The following ARHGAP5 variants were observed in gnomAD, a reference collection of about 807,000 sequenced individuals.
ARHGAP5 encodes rho GTPase-activating protein 5.
Under a neutral mutation model 116.6 loss-of-function variants are expected in ARHGAP5, and 23 were observed. That is an observed-to-expected ratio of 0.20 (90% confidence interval 0.14 to 0.28). ARHGAP5 has a LOEUF of 0.28. Among genes scored for constraint, ARHGAP5 ranks in the 10% least tolerant of loss-of-function variants. The pLI is 1.00. For synonymous variants in ARHGAP5, 574 were observed against 602.0 expected (o/e 0.95, Z 0.68); for missense variants, 1,405 against 1,774.8 (o/e 0.79, Z 3.74).
intron 5 of ARHGAP5, among the ~76,000 whole-genome samples, chr14:32,151,636 C>T (rs937593801): frequency 6.6e-5 from 10 of 152,166 alleles, no homozygotes; most frequent in African/African-American, 9.7e-5. Context: ...TAGCCACTCC[C>T]GTTTGTTACA....
chr14:32,087,226 T>C (rs1378352597), intron 1 of ARHGAP5, among the ~76,000 whole-genome samples: 1 of 151,764 alleles, frequency 6.6e-6, no homozygotes, highest in African/African-American at 2.4e-5. Context: ...AAAAAAAAAA[T>C]TGCTTGGCTA....
chr14:32,089,573 CT>C (rs2041864259), intron 1 of ARHGAP5, among the ~76,000 whole-genome samples: 1 of 151,936 alleles, frequency 6.6e-6, no homozygotes, highest in South Asian at 2.1e-4. Context: ...TAAAAGTTAT[CT>C]TGTGTTGCTA....
rs560515936 is a variant in ARHGAP5 at position 32,136,905 on chromosome 14, T to G, written c.3866-9358T>G. 3.0e-4 allele frequency among the ~76,000 whole-genome samples: 45 copies of G among 152,290 alleles called. No homozygotes were observed. In the East Asian group the frequency reaches 7.7e-3, roughly 26 times the overall value. On this transcript the variant is annotated intron_variant, in intron 3 of 6. Transcript: ENST00000345122. ...GTGTACCTTCTTTGGAGAAATTTTT[T>G]TTTTTAAGTCTTTGGCCTTTTTAAA...
chr14:32,150,550 G>C (rs1244126926), intron 5 of ARHGAP5, among the ~76,000 whole-genome samples: 1 of 152,192 alleles, frequency 6.6e-6, no homozygotes, highest in African/African-American at 2.4e-5. Context: ...GGAAGGGCAA[G>C]AGAGCACACT....
intron 3 of ARHGAP5, 52 bp from the exon 4 acceptor site, chr14:32,146,211 G>A (rs370467477): frequency 2.8e-5 from 37 of 1,341,066 alleles, no homozygotes; most frequent in Admixed American, 2.3e-4. Context: ...GTGCCCAGCC[G>A]TGTGGATATA....
At chr14:32,083,648 T>C (rs1288956927) in intron 1 of ARHGAP5, among the ~76,000 whole-genome samples, 1 of 152,214 alleles carries the variant, frequency 6.6e-6, no homozygotes, top group East Asian at 1.9e-4. Flanking sequence ...CCTTAATCCA[T>C]ACTTCCTTTA....
At chr14:32,082,330 A>G (rs187397623) in intron 1 of ARHGAP5, among the ~76,000 whole-genome samples, 1 of 152,304 alleles carries the variant, frequency 6.6e-6, no homozygotes, top group Admixed American at 6.5e-5. Flanking sequence ...TGATGCTGAA[A>G]TTTATGTTAA....
chr14:32,121,103 C>T (rs1411107744), intron 3 of ARHGAP5, among the ~76,000 whole-genome samples: 2 of 149,690 alleles, frequency 1.3e-5, no homozygotes, highest in African/African-American at 2.5e-5. Context: ...TTGCAACCTC[C>T]ACCTCCCCGG....
intron 2 of ARHGAP5, among the ~76,000 whole-genome samples, chr14:32,116,340 C>G (rs535212020): frequency 3.3e-5 from 5 of 151,620 alleles, no homozygotes; most frequent in Admixed American, 6.6e-5. Context: ...CCTGTAATCC[C>G]AGCACTTTGG....
At chr14:32,129,360 G>C (rs1880357968) in intron 3 of ARHGAP5, among the ~76,000 whole-genome samples, 1 of 151,922 alleles carries the variant, frequency 6.6e-6, no homozygotes, top group African/African-American at 2.4e-5. Context: ...ATTTTTATTT[G>C]CATGTGGTTG....
At chr14:32,132,489 T>C (rs1880555564) in intron 3 of ARHGAP5, among the ~76,000 whole-genome samples, 1 of 152,228 alleles carries the variant, frequency 6.6e-6, no homozygotes, top group South Asian at 2.1e-4. Flanking sequence ...ATATTAGCCC[T>C]TTGTCAGATG....
intron 3 of ARHGAP5, among the ~76,000 whole-genome samples, chr14:32,134,395 T>A (rs1371372421): frequency 2.0e-5 from 3 of 152,236 alleles, no homozygotes; most frequent in African/African-American, 7.2e-5. Flanking sequence ...CTGCTTTTTG[T>A]CTTATTCCTG....
At position 32,094,276 on chromosome 14, in the gene ARHGAP5, C is replaced by T. The variant is rs1878413889; in HGVS notation, c.3607C>T (p.Pro1203Ser). 9.9e-6 allele frequency: 16 copies of T among 1,613,856 alleles called. No individual in the cohort carries two copies. The highest frequency in any genetic ancestry group is 1.4e-5 in the Non-Finnish European group (16 of 1,179,912). Reference sequence around the variant, plus strand: ...AAGTGAAGAAGATCCACTTCTTTCTCCTGTTGAAACTTGGAAAGGTGGTAT... The same window carrying T: ...AAGTGAAGAAGATCCACTTCTTTCTTCTGTTGAAACTTGGAAAGGTGGTAT... Reference protein sequence around the residue: ...RGSEEDPLLSPVETWKGGIDN... With the variant: ...RGSEEDPLLSSVETWKGGIDN... The change falls in exon 2 of 7, where the codon CCT (proline) becomes TCT (serine). Residue 1203 changes from proline (P) to serine (S), a missense_variant. Coordinates refer to ENST00000345122, the MANE Select transcript of ARHGAP5 (RefSeq NM_001030055.2).
chr14:32,149,857 T>A, intron 4 of ARHGAP5, 45 bp from the exon 5 acceptor site: 1 of 1,187,324 alleles, frequency 8.4e-7, no homozygotes, highest in Non-Finnish European at 1.1e-6. Context: ...GCTTCTATAA[T>A]AAAGTTTTAT....
chr14:32,132,173 ATGGTT>A (rs1481273456), intron 3 of ARHGAP5, among the ~76,000 whole-genome samples: 10 of 152,280 alleles, frequency 6.6e-5, no homozygotes, highest in African/African-American at 1.9e-4. Flanking sequence ...GACTTCCACA[ATGGTT>A]GAACCAGTTT....
intron 3 of ARHGAP5, among the ~76,000 whole-genome samples, chr14:32,139,851 A>G (rs1053385416): frequency 2.7e-5 from 4 of 150,502 alleles, no homozygotes; most frequent in African/African-American, 4.9e-5. Context: ...GCTGCATCCC[A>G]TAGGTTTTTG....
rs753086864 is a variant in ARHGAP5, at chr14:32,091,047, A to G, written c.378A>G (p.Ser126=). The part of the protein sequence containing the change: ...IKRAAASKLQ[S]AEKLMYICTD... ...GTGCAGCTGCATCTAAATTGCAGTC[A>G]GCAGAAAAACTAATGTACATTTGCA... The change falls in exon 2 of 7, where the codon TCA becomes TCG. Residue 126 remains serine (S), a synonymous_variant. Coordinates refer to ENST00000345122, the MANE Select transcript of ARHGAP5 (RefSeq NM_001030055.2). 128 of 1,613,610 alleles carry G rather than the reference A, an allele frequency of 7.9e-5. No individual in the cohort carries two copies. Among genetic ancestry groups the G allele is most frequent in the Non-Finnish European group, 1.1e-4 (126 of 1,179,686 alleles).
At chr14:32,128,264 C>G (rs1880289718) in intron 3 of ARHGAP5, among the ~76,000 whole-genome samples, 1 of 152,086 alleles carries the variant, frequency 6.6e-6, no homozygotes, top group African/African-American at 2.4e-5. Context: ...ACGCTCCTCA[C>G]TTCCTAGATG....
chr14:32,115,386 G>A (rs765831526), intron 2 of ARHGAP5, among the ~76,000 whole-genome samples: 7 of 152,172 alleles, frequency 4.6e-5, no homozygotes, highest in Admixed American at 6.5e-5. Context: ...GCATCTGGCC[G>A]GGAGCGGTGG....
Sources: gnomAD v4.1 joint callset for allele counts (sites outside exome capture counted in the v4.1 genomes callset) on GRCh38, gnomAD v4.1.1 for gene constraint, MANE v1.5 for transcripts, NCBI Gene and HGNC (gene_info 2026-07-23, HGNC 2026-07-21) for gene names.